Variants in AVEN observed in about 807,000 individuals in gnomAD.
The protein encoded by AVEN is cell death regulator Aven.
In AVEN, 41 loss-of-function variants were observed where a neutral mutation model predicts 38.1. The observed-to-expected ratio is 1.08, with a 90% CI of 0.84 to 1.40. AVEN has a LOEUF of 1.40. Ranked by LOEUF, AVEN falls within the 40% of genes most tolerant of loss-of-function variation. AVEN has a pLI of 0.00. For synonymous variants in AVEN, 206 were observed against 171.8 expected (o/e 1.20, Z -1.56); for missense variants, 605 against 438.8 (o/e 1.38, Z -3.38).
At chr15:34,043,883 T>G (rs1454205454), upstream of AVEN, among the ~76,000 whole-genome samples, 5 of 152,158 alleles carry the variant, frequency 3.3e-5, no homozygotes, top group African/African-American at 9.7e-5. Flanking sequence ...GTACCTATAT[T>G]GTCTGCCTTC....
chr15:33,889,087 T>C (rs1891828126), intron 2 of AVEN, among the ~76,000 whole-genome samples: 1 of 152,210 alleles, frequency 6.6e-6, no homozygotes, highest in Non-Finnish European at 1.5e-5. Flanking sequence ...AAAATTATTA[T>C]TTTAATTTGT....
chr15:33,907,589 C>T (rs575543518), intron 2 of AVEN, among the ~76,000 whole-genome samples: 1 of 152,208 alleles, frequency 6.6e-6, no homozygotes, highest in Admixed American at 6.5e-5. Context: ...TGTATCACAG[C>T]CTTGGAAGCT....
chr15:34,023,812 A>G (rs1898317099), intron 1 of AVEN, among the ~76,000 whole-genome samples: 1 of 152,208 alleles, frequency 6.6e-6, no homozygotes, highest in Admixed American at 6.5e-5. Flanking sequence ...TCAGGCTGTG[A>G]AGGGCATCAA....
intron 2 of AVEN, among the ~76,000 whole-genome samples, chr15:33,958,317 C>T (rs185340264): frequency 2.4e-4 from 36 of 152,290 alleles, no homozygotes; most frequent in African/African-American, 8.2e-4. Context: ...CTGTGGCTCA[C>T]GCCTGCAGTC....
chr15:34,019,390 TA>T (rs753351599), intron 1 of AVEN, among the ~76,000 whole-genome samples: 3 of 152,248 alleles, frequency 2.0e-5, no homozygotes, highest in Non-Finnish European at 4.4e-5. Flanking sequence ...TAAAAATATT[TA>T]AAAGTTTATA....
intron 1 of AVEN, among the ~76,000 whole-genome samples, chr15:34,008,534 G>A (rs1432434874): frequency 4.1e-5 from 6 of 144,692 alleles, no homozygotes; most frequent in African/African-American, 1.6e-4. Context: ...TGTCACCCAG[G>A]CTGGAGTGCA....
intron 2 of AVEN, among the ~76,000 whole-genome samples, chr15:33,931,537 A>AT (rs1180111967): frequency 1.3e-5 from 2 of 151,684 alleles, no homozygotes; most frequent in African/African-American, 2.4e-5. Flanking sequence ...CACCCAGCTA[A>AT]TTTTTTGTAT....
chr15:33,854,028 C>G (rs1320572591), downstream of AVEN, among the ~76,000 whole-genome samples: 1 of 151,994 alleles, frequency 6.6e-6, no homozygotes, highest in African/African-American at 2.4e-5. Context: ...CCCGTCTCTA[C>G]TAATAATATT....
intron 2 of AVEN, among the ~76,000 whole-genome samples, chr15:33,984,934 T>C (rs1896357900): frequency 6.6e-6 from 1 of 152,136 alleles, no homozygotes. Flanking sequence ...AGATCTACCC[T>C]CAAGAGATGA....
chr15:34,064,491 A>G (rs998426778), intron 4 of AVEN: 6 of 720,922 alleles, frequency 8.3e-6, no homozygotes, highest in Non-Finnish European at 9.1e-6. Flanking sequence ...AGCTGCAGCA[A>G]TTGCTGACAT....
chr15:33,944,169 G>C (rs1487477449), intron 2 of AVEN, among the ~76,000 whole-genome samples: 4 of 152,346 alleles, frequency 2.6e-5, no homozygotes, highest in East Asian at 3.9e-4. Context: ...ACACGAGTCT[G>C]AATGTGGTCA....
At chr15:34,006,438 C>G (rs1007160064) in intron 1 of AVEN, among the ~76,000 whole-genome samples, 6 of 152,138 alleles carry the variant, frequency 3.9e-5, no homozygotes, top group Non-Finnish European at 5.9e-5. Flanking sequence ...GAACAGAGTT[C>G]AGAGAGGCTT....
intron 2 of AVEN, among the ~76,000 whole-genome samples, chr15:33,997,416 G>A (rs986754474): frequency 2.0e-5 from 3 of 152,174 alleles, no homozygotes; most frequent in African/African-American, 7.2e-5. Context: ...TTCAACCTCA[G>A]TAATAACTAA....
At chr15:33,887,516 A>G (rs1363144761) in intron 2 of AVEN, among the ~76,000 whole-genome samples, 1 of 152,202 alleles carries the variant, frequency 6.6e-6, no homozygotes, top group Admixed American at 6.5e-5. Flanking sequence ...TTCAGGAGTG[A>G]TGATTCTATT....
chr15:33,853,869 C>A (rs988637435), downstream of AVEN, among the ~76,000 whole-genome samples: 1 of 151,960 alleles, frequency 6.6e-6, no homozygotes, highest in Non-Finnish European at 1.5e-5. Flanking sequence ...TTTTTATGCC[C>A]TATAGAGCTG....
intron 2 of AVEN, among the ~76,000 whole-genome samples, chr15:33,931,560 C>A (rs889466505): frequency 6.6e-6 from 1 of 151,590 alleles, no homozygotes; most frequent in Non-Finnish European, 1.5e-5. Flanking sequence ...TTAGTAGAGG[C>A]GGGGTTTCAC....
chr15:33,924,867 C>G (rs894283414), intron 2 of AVEN, among the ~76,000 whole-genome samples: 2 of 152,054 alleles, frequency 1.3e-5, no homozygotes, highest in Non-Finnish European at 2.9e-5. Context: ...TTGGAACCTA[C>G]TCTGAATTAA....
At chr15:33,948,151 G>C (rs1011483749) in intron 2 of AVEN, among the ~76,000 whole-genome samples, 1 of 148,380 alleles carries the variant, frequency 6.7e-6, no homozygotes, top group African/African-American at 2.5e-5. Context: ...AGGCTGGAGT[G>C]CAGTGGCATG....
At chr15:33,915,100 C>T (rs1330199325) in intron 2 of AVEN, among the ~76,000 whole-genome samples, 5 of 151,922 alleles carry the variant, frequency 3.3e-5, no homozygotes, top group Admixed American at 3.3e-4. Flanking sequence ...AAGTCTGGGG[C>T]AATTTGATAT....
Sources: gnomAD v4.1 joint callset for allele counts (sites outside exome capture counted in the v4.1 genomes callset) on GRCh38, gnomAD v4.1.1 for gene constraint, MANE v1.5 for transcripts, NCBI Gene and HGNC (gene_info 2026-07-23, HGNC 2026-07-21) for gene names.